GPM6A: variants seen among roughly 807,000 people sequenced by gnomAD.
GPM6A encodes neuronal membrane glycoprotein M6-a.
Under a neutral mutation model 32.1 loss-of-function variants are expected in GPM6A, and 7 were observed. The observed-to-expected ratio is 0.22, with a 90% CI of 0.12 to 0.41. The LOEUF (loss-of-function observed/expected upper bound fraction) is 0.41. Among genes scored for constraint, GPM6A ranks in the 10% least tolerant of loss-of-function variants. GPM6A has a pLI of 1.00. For synonymous variants in GPM6A, 130 were observed against 123.4 expected (o/e 1.05, Z -0.35); for missense variants, 235 against 347.2 (o/e 0.68, Z 2.57).
chr4:175,712,009 T>C (rs1409048614), intron 1 of GPM6A, among the ~76,000 whole-genome samples: 2 of 152,088 alleles, frequency 1.3e-5, no homozygotes, highest in East Asian at 3.8e-4. Flanking sequence ...AGTTTACATT[T>C]TCACAGTTTA....
At chr4:175,940,326 T>C (rs1018951286) in intron 1 of GPM6A, among the ~76,000 whole-genome samples, 2 of 152,158 alleles carry the variant, frequency 1.3e-5, no homozygotes, top group African/African-American at 4.8e-5. Context: ...TGGGAAGTGT[T>C]ATACTGTAAT....
In GPM6A at chr4:175,872,311, C is replaced by G. The variant is rs548522342; in HGVS notation, c.-22-60062G>C. 2.0e-5 allele frequency among the ~76,000 whole-genome samples: 3 copies of G among 152,318 alleles called. No individual in the cohort carries two copies. In the East Asian group the frequency reaches 5.8e-4, roughly 29 times the overall value. On this transcript the variant is annotated intron_variant, in intron 1 of 7. Coordinates refer to the GPM6A transcript ENST00000280187. ...TGTCTCCACCTCCTCCTTCACTACTCTACTCCAGACTTACACCCTTCTCCT... is the reference window on the plus strand; with the variant it reads ...TGTCTCCACCTCCTCCTTCACTACTGTACTCCAGACTTACACCCTTCTCCT...
intron 1 of GPM6A, among the ~76,000 whole-genome samples, chr4:175,845,681 T>C (rs1736066265): frequency 6.6e-6 from 1 of 152,114 alleles, no homozygotes; most frequent in Non-Finnish European, 1.5e-5. Flanking sequence ...TCTGCAATAA[T>C]TTGTAGCTTT....
chr4:175,971,261 A>G (rs1740492661), intron 1 of GPM6A, among the ~76,000 whole-genome samples: 1 of 141,254 alleles, frequency 7.1e-6, no homozygotes, highest in African/African-American at 2.9e-5. Flanking sequence ...TGTTCTCTTT[A>G]TCTTCCGTGA....
At chr4:175,956,478 G>A (rs1739990385) in intron 1 of GPM6A, among the ~76,000 whole-genome samples, 1 of 151,798 alleles carries the variant, frequency 6.6e-6, no homozygotes, top group African/African-American at 2.4e-5. Flanking sequence ...TGTTATCTCT[G>A]GTAAGTACAG....
At chr4:175,671,103 T>A (rs1005806990) in intron 3 of GPM6A, among the ~76,000 whole-genome samples, 1 of 151,972 alleles carries the variant, frequency 6.6e-6, no homozygotes, top group Non-Finnish European at 1.5e-5. Context: ...AACCTCGTGA[T>A]CCGCCTGCCT....
At chr4:175,762,658 G>A (rs1410156760) in intron 1 of GPM6A, among the ~76,000 whole-genome samples, 2 of 152,078 alleles carry the variant, frequency 1.3e-5, no homozygotes, top group Non-Finnish European at 2.9e-5. Context: ...AAAATTATGG[G>A]AAAGTGATTC....
Position 175,633,460 on chromosome 4 carries a change from A to C in GPM6A, c.*1445T>G, listed in dbSNP as rs1328583329. ...TGTACAAAGATTGTTTCACTCAATA[A>C]ATTTTTATTAGAAATGCAGTTACAC... On this transcript the variant is annotated 3_prime_UTR_variant, in exon 7 of 7. Coordinates refer to ENST00000393658, the MANE Select transcript of GPM6A (RefSeq NM_201591.3). 1.3e-5 allele frequency: 2 copies of C among 152,468 alleles called. No individual in the cohort carries two copies. Among genetic ancestry groups the C allele is most frequent in the African/African-American group, 2.4e-5 (1 of 41,434 alleles). The allele number at this position is 152,468 out of a possible 1,614,324, so 9.4% of individuals were successfully genotyped here.
At chr4:175,987,824 A>T (rs1741025138) in intron 1 of GPM6A, among the ~76,000 whole-genome samples, 1 of 151,960 alleles carries the variant, frequency 6.6e-6, no homozygotes, top group African/African-American at 2.4e-5. Flanking sequence ...CTTAGAAATT[A>T]ATTAATTGAA....
chr4:175,639,457 G>C (rs551721597), intron 6 of GPM6A, among the ~76,000 whole-genome samples: 1 of 152,094 alleles, frequency 6.6e-6, no homozygotes, highest in African/African-American at 2.4e-5. Flanking sequence ...TCATCCTCAA[G>C]GATACAAACA....
chr4:175,780,623 G>A (rs1733581121), intron 1 of GPM6A, among the ~76,000 whole-genome samples: 1 of 152,124 alleles, frequency 6.6e-6, no homozygotes, highest in Non-Finnish European at 1.5e-5. Context: ...ATGATTTCAT[G>A]TGTCTCAATA....
intron 2 of GPM6A, among the ~76,000 whole-genome samples, chr4:175,692,616 AGTTTTTTTAAATACATTTTAAT>A (rs1271231822): frequency 3.9e-5 from 6 of 151,910 alleles, no homozygotes; most frequent in Admixed American, 3.9e-4. Context: ...TATTTTTCTC[AGTTTTTTTAAATACATTTTAAT>A]GTTTTTATAA....
At chr4:175,979,456 A>C (rs893973235) in intron 1 of GPM6A, among the ~76,000 whole-genome samples, 1 of 152,162 alleles carries the variant, frequency 6.6e-6, no homozygotes, top group Admixed American at 6.5e-5. Context: ...AAGTGTTCCC[A>C]TTGTTCAATT....
intron 1 of GPM6A, chr4:175,962,109 G>T: frequency 1.3e-6 from 1 of 755,478 alleles, no homozygotes; most frequent in Non-Finnish European, 2.5e-6. Flanking sequence ...AGTAGCCCAT[G>T]CTGTGCACCA....
intron 1 of GPM6A, among the ~76,000 whole-genome samples, chr4:175,983,695 T>A (rs1342691708): frequency 2.0e-5 from 3 of 152,206 alleles, no homozygotes; most frequent in African/African-American, 2.4e-5. Context: ...AAAATTTCCT[T>A]GAGGAAGTTT....
chr4:175,973,708 T>C (rs937100340), intron 1 of GPM6A, among the ~76,000 whole-genome samples: 6 of 152,192 alleles, frequency 3.9e-5, no homozygotes, highest in Non-Finnish European at 7.3e-5. Flanking sequence ...GTGGAGGTGC[T>C]AATGAGCAGT....
At chr4:175,712,680 T>C (rs1277011348) in intron 1 of GPM6A, among the ~76,000 whole-genome samples, 1 of 152,192 alleles carries the variant, frequency 6.6e-6, no homozygotes, top group Non-Finnish European at 1.5e-5. Flanking sequence ...GACCTGACTG[T>C]AATAAGTTTA....
chr4:175,734,140 A>G (rs991406798), intron 1 of GPM6A, among the ~76,000 whole-genome samples: 4 of 58,790 alleles, frequency 6.8e-5, no homozygotes, highest in African/African-American at 2.9e-4. Flanking sequence ...TTTGCCATAT[A>G]TATATATATA....
chr4:175,781,393 GAT>G (rs1251841723), intron 1 of GPM6A: 2 of 152,114 alleles, frequency 1.3e-5, no homozygotes, highest in African/African-American at 2.4e-5. Context: ...GAAGGAAACA[GAT>G]TTCATGTATC....
Sources: allele counts gnomAD v4.1 joint callset (sites outside exome capture counted in the v4.1 genomes callset), GRCh38; gene constraint gnomAD v4.1.1; transcripts MANE v1.5; gene names NCBI Gene and HGNC (gene_info 2026-07-23, HGNC 2026-07-21).